The following HTR2C variants were observed in gnomAD, a reference collection of about 807,000 sequenced individuals.
HTR2C encodes 5-hydroxytryptamine receptor 2C.
Under a neutral mutation model 21.0 loss-of-function variants are expected in HTR2C, and 5 were observed. The observed-to-expected ratio is 0.24, with a 90% CI of 0.12 to 0.50. The LOEUF is 0.50. Ranked by LOEUF, HTR2C falls within the 20% of genes least tolerant of loss-of-function variation. HTR2C has a pLI of 0.98. For synonymous variants in HTR2C, 150 were observed against 145.3 expected, an observed-to-expected ratio of 1.03 and a Z score of -0.23; for missense variants, 271 against 371.2, an observed-to-expected ratio of 0.73 and a Z score of 2.22.
intron 2 of HTR2C, among the ~76,000 whole-genome samples, chrX:114,649,559 T>C (rs1157513531): frequency 8.9e-6 from 1 of 111,937 alleles, no homozygotes; most frequent in Admixed American, 9.5e-5. Context: ...AGAGCAAAGG[T>C]AATCTTTCAT....
At chrX:114,795,836 C>T in intron 4 of HTR2C, among the ~76,000 whole-genome samples, 1 of 111,069 alleles carries the variant, frequency 9.0e-6, no homozygotes, top group Non-Finnish European at 1.9e-5. Flanking sequence ...AAGAGGCTAT[C>T]CTGGATCTAC....
intron 2 of HTR2C, among the ~76,000 whole-genome samples, chrX:114,686,892 A>G (rs1368849844): frequency 9.0e-6 from 1 of 111,194 alleles, no homozygotes; most frequent in Admixed American, 9.6e-5. Context: ...ATGAATTTCA[A>G]TTTGTTTCTA....
intron 4 of HTR2C, among the ~76,000 whole-genome samples, chrX:114,809,466 C>T (rs1704245445): frequency 9.2e-6 from 1 of 108,220 alleles, no homozygotes; most frequent in Non-Finnish European, 1.9e-5. Context: ...TCACTGCAAC[C>T]TCTGCCTCCT....
intron 4 of HTR2C, among the ~76,000 whole-genome samples, chrX:114,761,980 T>C (rs1556432629): frequency 4.6e-3 from 66 of 14,288 alleles, no homozygotes; most frequent in Non-Finnish European, 0.011. Flanking sequence ...TATATATACG[T>C]GTATATATAC....
intron 2 of HTR2C, among the ~76,000 whole-genome samples, chrX:114,650,532 C>T (rs1461308730): frequency 8.9e-6 from 1 of 111,883 alleles, no homozygotes; most frequent in African/African-American, 3.2e-5. Context: ...CTAGATCATC[C>T]TCATTCTTCA....
chrX:114,664,143 C>A (rs1931091398), intron 2 of HTR2C, among the ~76,000 whole-genome samples: 2 of 111,888 alleles, frequency 1.8e-5, no homozygotes, highest in South Asian at 3.7e-4. Flanking sequence ...AGCAGTAAAG[C>A]TTTTATTCTC....
chrX:114,796,976 C>T (rs782540621), intron 4 of HTR2C, among the ~76,000 whole-genome samples: 32 of 111,888 alleles, frequency 2.9e-4, no homozygotes, highest in African/African-American at 9.7e-4. Context: ...TGTCCACTGT[C>T]GTGAGAAATA....
intron 1 of HTR2C, among the ~76,000 whole-genome samples, chrX:114,594,962 T>C (rs1556392216): frequency 1.8e-5 from 2 of 111,752 alleles, no homozygotes; most frequent in African/African-American, 6.5e-5. Flanking sequence ...CAGAATATCC[T>C]TATTATTAAT....
chrX:114,636,884 G>T (rs1929861117), intron 2 of HTR2C, among the ~76,000 whole-genome samples: 1 of 111,912 alleles, frequency 8.9e-6, no homozygotes, highest in Non-Finnish European at 1.9e-5. Flanking sequence ...GCAAATAATC[G>T]TGAGGGTATT....
intron 4 of HTR2C, among the ~76,000 whole-genome samples, chrX:114,836,047 G>A (rs1359429578): frequency 9.3e-6 from 1 of 107,923 alleles, no homozygotes; most frequent in African/African-American, 3.3e-5. Context: ...CCCACTTGAG[G>A]AGGCAGTCTG....
At chrX:114,685,329 A>G (rs1293424140) in intron 2 of HTR2C, among the ~76,000 whole-genome samples, 1 of 111,820 alleles carries the variant, frequency 8.9e-6, no homozygotes, top group East Asian at 2.8e-4. Flanking sequence ...TACACAGCTT[A>G]TAAGCAAGAT....
chrX:114,746,482 G>C (rs1333314364), intron 4 of HTR2C, among the ~76,000 whole-genome samples: 2 of 111,640 alleles, frequency 1.8e-5, no homozygotes, highest in Admixed American at 9.5e-5. Context: ...ATAGACTAAA[G>C]AATATAATAA....
chrX:114,856,077 C>T (rs373239281), intron 5 of HTR2C, among the ~76,000 whole-genome samples: 58 of 108,428 alleles, frequency 5.3e-4, no homozygotes, highest in Admixed American at 2.1e-3. Flanking sequence ...AAAACCCCAT[C>T]GTCTCAGCCC....
At chrX:114,672,254 T>C (rs192674446) in intron 2 of HTR2C, among the ~76,000 whole-genome samples, 4 of 111,539 alleles carry the variant, frequency 3.6e-5, no homozygotes, top group African/African-American at 1.3e-4. Context: ...TACATGGGTA[T>C]GGTGAAACAT....
intron 2 of HTR2C, among the ~76,000 whole-genome samples, chrX:114,726,171 C>G (rs1355920040): frequency 1.8e-5 from 2 of 112,443 alleles, no homozygotes; most frequent in Non-Finnish European, 3.8e-5. Context: ...AGTGAGACTC[C>G]GTGGGCATAG....
intron 5 of HTR2C, among the ~76,000 whole-genome samples, chrX:114,866,862 C>A (rs1379812681): frequency 8.9e-6 from 1 of 111,845 alleles, no homozygotes; most frequent in African/African-American, 3.2e-5. Flanking sequence ...GAATAATACT[C>A]CATTATGTAT....
intron 4 of HTR2C, among the ~76,000 whole-genome samples, chrX:114,840,998 A>G (rs1426370079): frequency 1.8e-5 from 2 of 111,915 alleles, no homozygotes; most frequent in Admixed American, 9.5e-5. Flanking sequence ...ATGAAGCACC[A>G]GTTCATCAGT....
chrX:114,622,163 T>A (rs184069947), intron 2 of HTR2C, among the ~76,000 whole-genome samples: 276 of 111,910 alleles, frequency 2.5e-3, no homozygotes, highest in African/African-American at 8.2e-3. Context: ...ATTTTTCCAT[T>A]GCTACAGAGC....
intron 5 of HTR2C, among the ~76,000 whole-genome samples, chrX:114,851,564 T>C (rs1369893053): frequency 2.7e-5 from 3 of 111,571 alleles, no homozygotes; most frequent in African/African-American, 9.8e-5. Context: ...TGTAAGGAAG[T>C]GTTTTCCCTC....
Sources: allele counts gnomAD v4.1 joint callset (sites outside exome capture counted in the v4.1 genomes callset), GRCh38; gene constraint gnomAD v4.1.1; transcripts MANE v1.5; gene names NCBI Gene and HGNC (gene_info 2026-07-23, HGNC 2026-07-21).